MACROD2: variants seen among roughly 807,000 people sequenced by gnomAD.
MACROD2 encodes mono-ADP ribosylhydrolase 2.
In MACROD2, 36 loss-of-function variants were observed where a neutral mutation model predicts 70.4. The observed-to-expected ratio is 0.51, with a 90% CI of 0.39 to 0.68. The LOEUF (loss-of-function observed/expected upper bound fraction) is 0.68. Ranked by LOEUF, MACROD2 falls within the 30% of genes least tolerant of loss-of-function variation. The pLI is 0.00. For missense variants in MACROD2, 496 were observed against 538.4 expected, an observed-to-expected ratio of 0.92 and a Z score of 0.78; for synonymous variants, 172 against 178.8, an observed-to-expected ratio of 0.96 and a Z score of 0.30.
intron 5 of MACROD2, among the ~76,000 whole-genome samples, chr20:14,876,419 T>A (rs961019369): frequency 2.6e-5 from 4 of 152,140 alleles, no homozygotes; most frequent in Admixed American, 1.3e-4. Flanking sequence ...CTGTAGGTTG[T>A]CTGTTTACTC....
At chr20:15,632,833 C>T (rs1453089514) in intron 8 of MACROD2, among the ~76,000 whole-genome samples, 1 of 151,522 alleles carries the variant, frequency 6.6e-6, no homozygotes, top group African/African-American at 2.4e-5. Context: ...CTCCTTCCCT[C>T]CTCTCCTTCT....
At chr20:15,098,797 A>G (rs2075851890) in intron 5 of MACROD2, among the ~76,000 whole-genome samples, 1 of 152,226 alleles carries the variant, frequency 6.6e-6, no homozygotes, top group Non-Finnish European at 1.5e-5. Flanking sequence ...CTGCAGGTAG[A>G]TGTTTCCCCT....
At chr20:14,127,003 A>G (rs1448119368) in intron 3 of MACROD2, among the ~76,000 whole-genome samples, 1 of 152,220 alleles carries the variant, frequency 6.6e-6, no homozygotes, top group Non-Finnish European at 1.5e-5. Flanking sequence ...TCTCACTTTC[A>G]ATCAAAAGCT....
chr20:13,996,038 C>A (rs2052638307), intron 1 of MACROD2, among the ~76,000 whole-genome samples: 1 of 152,194 alleles, frequency 6.6e-6, no homozygotes, highest in Non-Finnish European at 1.5e-5. Context: ...TGGGCGCACG[C>A]CCCTCTCTGT....
intron 7 of MACROD2, among the ~76,000 whole-genome samples, chr20:15,468,666 T>G (rs978165350): frequency 2.0e-5 from 3 of 152,132 alleles, no homozygotes; most frequent in Admixed American, 6.5e-5. Context: ...TTTGTGTGCT[T>G]CTTTTATTTT....
At chr20:16,004,125 C>A (rs2066753715) in intron 15 of MACROD2, among the ~76,000 whole-genome samples, 1 of 152,090 alleles carries the variant, frequency 6.6e-6, no homozygotes, top group Admixed American at 6.5e-5. Flanking sequence ...ACTGTGGACC[C>A]CCAGTACCTG....
At chr20:15,814,111 G>A (rs576010174) in intron 8 of MACROD2, among the ~76,000 whole-genome samples, 2 of 152,036 alleles carry the variant, frequency 1.3e-5, no homozygotes, top group Admixed American at 6.6e-5. Context: ...AGGAAGGACA[G>A]AAAAAAAGAA....
chr20:15,993,688 A>T (rs188076867), intron 15 of MACROD2, among the ~76,000 whole-genome samples: 1 of 152,322 alleles, frequency 6.6e-6, no homozygotes, highest in Non-Finnish European at 1.5e-5. Flanking sequence ...ACATTCAGAA[A>T]CACTGAATAT....
At chr20:14,624,669 G>A (rs1016654896) in intron 4 of MACROD2, among the ~76,000 whole-genome samples, 2 of 152,216 alleles carry the variant, frequency 1.3e-5, no homozygotes, top group Admixed American at 1.3e-4. Context: ...GAAGGCAGAA[G>A]AAAACTGCAT....
chr20:14,757,369 AT>A (rs1657532265), intron 5 of MACROD2, among the ~76,000 whole-genome samples: 1 of 152,182 alleles, frequency 6.6e-6, no homozygotes, highest in African/African-American at 2.4e-5. Flanking sequence ...CAAATTAGAA[AT>A]TCAGTCGTAA....
chr20:15,700,411 C>T (rs1181004360), intron 8 of MACROD2, among the ~76,000 whole-genome samples: 1 of 152,188 alleles, frequency 6.6e-6, no homozygotes, highest in Admixed American at 6.5e-5. Context: ...GCGTGGAATC[C>T]CTGCTCTGCC....
At chr20:14,015,624 A>C (rs954579911) in intron 2 of MACROD2, among the ~76,000 whole-genome samples, 1 of 152,206 alleles carries the variant, frequency 6.6e-6, no homozygotes, top group African/African-American at 2.4e-5. Flanking sequence ...CCATTAAACA[A>C]TATCTACACT....
At chr20:14,084,061 C>CA (rs1211049702) in intron 2 of MACROD2, among the ~76,000 whole-genome samples, 30,483 of 59,708 alleles carry the variant, frequency 0.51, 12,671 homozygotes, top group East Asian at 0.67. Context: ...GACTCCGTCT[C>CA]AAAAAAAAAC....
chr20:14,000,176 G>A (rs1459755369), intron 1 of MACROD2, among the ~76,000 whole-genome samples: 1 of 152,064 alleles, frequency 6.6e-6, no homozygotes, highest in African/African-American at 2.4e-5. Flanking sequence ...TTTTCCTTTA[G>A]GACTAGAATT....
At chr20:14,812,770 A>T (rs1385285177) in intron 5 of MACROD2, among the ~76,000 whole-genome samples, 1 of 152,052 alleles carries the variant, frequency 6.6e-6, no homozygotes, top group Admixed American at 6.6e-5. Flanking sequence ...CCAAGTGATC[A>T]GTTCTCTAGC....
intron 5 of MACROD2, among the ~76,000 whole-genome samples, chr20:14,761,269 C>T (rs955087117): frequency 1.3e-5 from 2 of 152,138 alleles, no homozygotes; most frequent in African/African-American, 4.8e-5. Flanking sequence ...AATTGCCTTA[C>T]ATTTACTTAC....
intron 12 of MACROD2, among the ~76,000 whole-genome samples, chr20:15,953,826 G>C (rs899129371): frequency 6.6e-6 from 1 of 151,944 alleles, no homozygotes; most frequent in East Asian, 1.9e-4. Context: ...ATTTGAAGTC[G>C]TTCCCTCAAA....
intron 15 of MACROD2, among the ~76,000 whole-genome samples, chr20:16,027,648 C>G (rs2147572188): frequency 6.6e-6 from 1 of 152,324 alleles, no homozygotes; most frequent in Non-Finnish European, 1.5e-5. Context: ...GTTGCCCCCA[C>G]TGTGGCTCCT....
Position 15,431,444 on chromosome 20 carries a change from T to A in MACROD2, c.571+9T>A, listed in dbSNP as rs41275428. The stretch of plus-strand genomic sequence containing the variant: ...CTCAACAGGCATTTATGGTAAGTGA[T>A]ACAGCTTTTGATGATGTTTGTATTT... On this transcript the variant is annotated intron_variant, in intron 7 of 17. Coordinates refer to ENST00000684519, the MANE Select transcript of MACROD2 (RefSeq NM_001351661.2). 1.5e-4 allele frequency: 237 copies of A among 1,610,058 alleles called. No homozygotes were observed. The highest frequency in any genetic ancestry group is 1.9e-4 in the Non-Finnish European group (226 of 1,177,070).
Sources: allele counts gnomAD v4.1 joint callset (sites outside exome capture counted in the v4.1 genomes callset), GRCh38; gene constraint gnomAD v4.1.1; transcripts MANE v1.5; gene names NCBI Gene and HGNC (gene_info 2026-07-23, HGNC 2026-07-21).